Variants in PYY observed in about 807,000 individuals in gnomAD.
PYY encodes peptide YY, also known as peptide tyrosine tyrosine.
PYY carries 12 observed loss-of-function variants against 10.3 expected under a neutral mutation model. The observed-to-expected ratio is 1.17, with a 90% CI of 0.75 to 1.89. The LOEUF is 1.89. PYY is among the 40% of genes most tolerant of loss of function. The pLI is 0.00. For synonymous variants in PYY, 66 were observed against 62.0 expected, an observed-to-expected ratio of 1.06 and a Z score of -0.30; for missense variants, 141 against 134.0, an observed-to-expected ratio of 1.05 and a Z score of -0.26.
chr17:43,983,154 C>T (rs1222785404), intron 1 of PYY, among the ~76,000 whole-genome samples: 1 of 152,142 alleles, frequency 6.6e-6, no homozygotes, highest in Non-Finnish European at 1.5e-5. Context: ...ATTGCTTGAA[C>T]CCAGGAGGCA....
At chr17:43,953,585 GC>G in intron 1 of PYY, 102 bp from the exon 2 acceptor site, 1 of 1,152,202 alleles carries the variant, frequency 8.7e-7, no homozygotes, top group Non-Finnish European at 1.2e-6. Flanking sequence ...TCTCCCTGGG[GC>G]TGGTACCGGA....
intron 1 of PYY, among the ~76,000 whole-genome samples, chr17:43,984,088 G>A (rs1286563338): frequency 6.6e-6 from 1 of 152,236 alleles, no homozygotes; most frequent in African/African-American, 2.4e-5. Context: ...GGCCATCGCT[G>A]ATAAGAAACC....
intron 2 of PYY, among the ~76,000 whole-genome samples, chr17:43,962,755 G>C (rs1296003866): frequency 6.6e-6 from 1 of 152,210 alleles, no homozygotes; most frequent in African/African-American, 2.4e-5. Context: ...TACCTGGAAA[G>C]TGCAATGGGC....
intron 1 of PYY, among the ~76,000 whole-genome samples, chr17:43,998,779 T>G (rs1339792610): frequency 1.3e-5 from 2 of 152,022 alleles, no homozygotes; most frequent in Non-Finnish European, 2.9e-5. Context: ...TGAGCTGCCA[T>G]CAACTGAGAT....
chr17:44,003,666 CAAACAAAAAAA>C (rs1159805132), intron 1 of PYY, among the ~76,000 whole-genome samples: 14 of 57,892 alleles, frequency 2.4e-4, no homozygotes, highest in Admixed American at 6.2e-4. Context: ...AACAAACAAA[CAAACAAAAAAA>C]AAAAAAAAAA....
intron 2 of PYY, among the ~76,000 whole-genome samples, chr17:43,960,279 AC>A (rs1299852532): frequency 6.6e-6 from 1 of 152,172 alleles, no homozygotes; most frequent in African/African-American, 2.4e-5. Flanking sequence ...GCGGTAGCTC[AC>A]ACCTGTAATC....
chr17:44,004,431 G>A (rs974097137), exon 1 of PYY: 1 of 400,216 alleles, frequency 2.5e-6, no homozygotes, highest in Non-Finnish European at 4.3e-6. Flanking sequence ...ATTTAGTCTC[G>A]GCCCCATGAC....
At chr17:43,955,541 G>T (rs866392167), upstream of PYY, among the ~76,000 whole-genome samples, 2 of 152,096 alleles carry the variant, frequency 1.3e-5, no homozygotes, top group South Asian at 4.1e-4. Flanking sequence ...TGAGCATGGG[G>T]GTGGAAGAGG....
intron 1 of PYY, among the ~76,000 whole-genome samples, chr17:43,973,985 G>T (rs115793695): frequency 6.6e-6 from 1 of 151,982 alleles, no homozygotes; most frequent in African/African-American, 2.4e-5. Context: ...GTCTGTGCAC[G>T]GACAAGTGGC....
At chr17:43,959,944 C>T (rs1299107851) in intron 2 of PYY, among the ~76,000 whole-genome samples, 1 of 152,248 alleles carries the variant, frequency 6.6e-6, no homozygotes, top group Non-Finnish European at 1.5e-5. Context: ...ACACAGTCAG[C>T]TCCCTGATTC....
intron 1 of PYY, among the ~76,000 whole-genome samples, chr17:43,977,802 G>A (rs560202473): frequency 2.7e-4 from 41 of 152,216 alleles, no homozygotes; most frequent in African/African-American, 8.0e-4. Context: ...TAAAACCACT[G>A]CTGAGATGGA....
upstream of PYY, among the ~76,000 whole-genome samples, chr17:43,954,426 C>T (rs897953051): frequency 6.6e-6 from 1 of 152,216 alleles, no homozygotes; most frequent in African/African-American, 2.4e-5. Flanking sequence ...TGAGGAATGA[C>T]AGGACCTTTT....
chr17:43,967,228 G>C lies in PYY; in HGVS notation c.-462-696C>G, dbSNP rs533314763. Among the ~76,000 whole-genome samples, 3 of 152,264 alleles carry C rather than the reference G, an allele frequency of 2.0e-5. No individual in the cohort carries two copies. The East Asian group carries it at 5.8e-4, about 29-fold the overall frequency. On this transcript the variant is annotated intron_variant, in intron 1 of 6. Transcript: ENST00000360085. The stretch of plus-strand genomic sequence containing the variant: ...TGAGGCAGGAGAATCACCAGAACCT[G>C]GGAGGCGGAGGCTGCAATGAGCTGA...
chr17:43,965,816 A>AAAAAAAAAAAAAG (rs1555617405), intron 2 of PYY, among the ~76,000 whole-genome samples: 2 of 142,618 alleles, frequency 1.4e-5, no homozygotes, highest in African/African-American at 2.5e-5. Flanking sequence ...AAAAAAAAAA[A>AAAAAAAAAAAAAG]AGAGAGAGAA....
chr17:43,990,200 G>A lies in PYY; in HGVS notation c.-463+14191C>T, dbSNP rs998663951. On this transcript the variant is annotated intron_variant, in intron 1 of 6. Coordinates refer to the PYY transcript ENST00000360085. ...CACCTGTAATCCCAGCACTTTGGGA[G>A]GCTGAGGCGGGCAGATCACTTGAGG... Among the ~76,000 whole-genome samples, 26 of 151,904 alleles carry A rather than the reference G, an allele frequency of 1.7e-4. 1 individual carries two copies. The South Asian group carries it at 5.4e-3, about 32-fold the overall frequency.
At chr17:43,994,033 T>C (rs1319557098) in intron 1 of PYY, among the ~76,000 whole-genome samples, 2 of 151,994 alleles carry the variant, frequency 1.3e-5, no homozygotes, top group African/African-American at 2.4e-5. Context: ...TTCAAATTAT[T>C]TGTAGAGATG....
intron 1 of PYY, among the ~76,000 whole-genome samples, chr17:43,980,583 T>C (rs1323914446): frequency 6.6e-6 from 1 of 151,918 alleles, no homozygotes; most frequent in East Asian, 1.9e-4. Flanking sequence ...CAAGCAATTC[T>C]CTGCCTTAGC....
chr17:43,968,714 A>G (rs1029061519), intron 1 of PYY, among the ~76,000 whole-genome samples: 1 of 152,186 alleles, frequency 6.6e-6, no homozygotes, highest in East Asian at 1.9e-4. Context: ...CGGGAGGCTG[A>G]GGCAGGAGAA....
chr17:43,965,816 A>AAG lies in PYY; in HGVS notation c.-218+470_-218+471dup, dbSNP rs1302185567. ...AAAAAAAAAAAAAAAAAAAAAAAAA[A>AAG]AGAGAGAGAAACAAGTAAAATTATA... On this transcript the variant is annotated intron_variant, in intron 2 of 6. Coordinates refer to the PYY transcript ENST00000360085. Among the ~76,000 whole-genome samples, 470 of 142,322 alleles carry AAG rather than the reference A, an allele frequency of 3.3e-3. 5 individuals carry two copies. Among genetic ancestry groups the AAG allele is most frequent in the African/African-American group, 4.0e-3 (160 of 39,572 alleles). 93.4% of individuals were successfully genotyped at this position (142,322 alleles called of 152,430 possible). A position where few individuals can be genotyped will look rare whatever the true frequency, so the allele number is the denominator to read the frequency against.
Sources: gnomAD v4.1 joint callset for allele counts (sites outside exome capture counted in the v4.1 genomes callset) on GRCh38, gnomAD v4.1.1 for gene constraint, MANE v1.5 for transcripts, NCBI Gene and HGNC (gene_info 2026-07-23, HGNC 2026-07-21) for gene names.